KCNJ3: variants seen among roughly 807,000 people sequenced by gnomAD.
The protein encoded by KCNJ3 is G protein-activated inward rectifier potassium channel 1.
KCNJ3 carries 4 observed loss-of-function variants against 39.2 expected under a neutral mutation model. That is an observed-to-expected ratio of 0.10 (90% CI 0.05 to 0.23). The LOEUF is 0.23. Among genes scored for constraint, KCNJ3 ranks in the 10% least tolerant of loss-of-function variants. The pLI, the probability that KCNJ3 is intolerant of heterozygous loss-of-function variation, is 1.00. For synonymous variants in KCNJ3, 230 were observed against 237.4 expected (o/e 0.97, Z 0.29); for missense variants, 276 against 634.9 (o/e 0.43, Z 6.08).
intron 2 of KCNJ3, among the ~76,000 whole-genome samples, chr2:154,792,356 C>G (rs905758563): frequency 6.6e-6 from 1 of 152,094 alleles, no homozygotes; most frequent in Non-Finnish European, 1.5e-5. Context: ...AATATACAAT[C>G]TCTACCTAGC....
At chr2:154,734,359 T>C (rs1328062442) in intron 2 of KCNJ3, among the ~76,000 whole-genome samples, 3 of 152,174 alleles carry the variant, frequency 2.0e-5, no homozygotes, top group Non-Finnish European at 4.4e-5. Flanking sequence ...CCTCCTCACC[T>C]TAAGAAAATC....
chr2:154,770,710 A>T (rs1250741415), intron 2 of KCNJ3, among the ~76,000 whole-genome samples: 1 of 152,142 alleles, frequency 6.6e-6, no homozygotes, highest in Non-Finnish European at 1.5e-5. Flanking sequence ...ATTCACTAGA[A>T]AAGTAGTTTT....
chr2:154,712,811 G>C (rs189988454), intron 2 of KCNJ3, among the ~76,000 whole-genome samples: 2 of 152,168 alleles, frequency 1.3e-5, no homozygotes, highest in Non-Finnish European at 2.9e-5. Flanking sequence ...ACAAAACCAA[G>C]GTGACGGGAT....
At chr2:154,818,355 T>A (rs1287094873) in intron 2 of KCNJ3, among the ~76,000 whole-genome samples, 1 of 152,118 alleles carries the variant, frequency 6.6e-6, no homozygotes, top group African/African-American at 2.4e-5. Context: ...TGTTTTTTTT[T>A]ATTTTGACAC....
At chr2:154,703,777 CTT>C (rs77891543) in intron 1 of KCNJ3, among the ~76,000 whole-genome samples, 18,291 of 151,972 alleles carry the variant, frequency 0.12, 1,166 homozygotes, top group East Asian at 0.16. Flanking sequence ...ATAACTGACT[CTT>C]CACCAATTGA....
At chr2:154,782,483 C>T (rs1574460593) in intron 2 of KCNJ3, among the ~76,000 whole-genome samples, 1 of 151,820 alleles carries the variant, frequency 6.6e-6, no homozygotes, top group Non-Finnish European at 1.5e-5. Context: ...TGATACATAG[C>T]ATAATAATAC....
intron 2 of KCNJ3, among the ~76,000 whole-genome samples, chr2:154,723,992 T>C (rs1412962620): frequency 6.6e-6 from 1 of 152,142 alleles, no homozygotes; most frequent in Non-Finnish European, 1.5e-5. Context: ...CAATTATACA[T>C]TTGTATTTCG....
At chr2:154,833,798 C>T (rs1687403305) in intron 2 of KCNJ3, among the ~76,000 whole-genome samples, 1 of 152,078 alleles carries the variant, frequency 6.6e-6, no homozygotes, top group African/African-American at 2.4e-5. Flanking sequence ...AGGATGTAGC[C>T]TTTTCAGATG....
chr2:154,847,969 A>T (rs1447174066), intron 2 of KCNJ3, among the ~76,000 whole-genome samples: 1 of 152,112 alleles, frequency 6.6e-6, no homozygotes, highest in African/African-American at 2.4e-5. Context: ...TGTCCTATAG[A>T]ATCTCTTCAC....
At chr2:154,848,820 G>A (rs559784651) in intron 2 of KCNJ3, among the ~76,000 whole-genome samples, 1 of 152,248 alleles carries the variant, frequency 6.6e-6, no homozygotes, top group East Asian at 1.9e-4. Context: ...ACTTACTGCA[G>A]GGAGTTGTGC....
chr2:154,817,223 A>G (rs1687098705), intron 2 of KCNJ3, among the ~76,000 whole-genome samples: 2 of 152,170 alleles, frequency 1.3e-5, no homozygotes, highest in Admixed American at 1.3e-4. Context: ...AGCCTTAATC[A>G]TGATAAGCAG....
intron 2 of KCNJ3, among the ~76,000 whole-genome samples, chr2:154,846,655 T>A (rs1033787213): frequency 5.8e-4 from 89 of 152,308 alleles, no homozygotes; most frequent in African/African-American, 2.1e-3. Flanking sequence ...CCTAAATATA[T>A]TTTCAGCAAT....
chr2:154,818,996 C>T lies in KCNJ3; in HGVS notation c.920-35731C>T, dbSNP rs139354251. On this transcript the variant is annotated intron_variant, in intron 2 of 2. Transcript: ENST00000295101. ...CTGCAGGCCATCAGGGATTGCCAGGCAGTCCTTGCAATAGCAAGATAATGA... is the reference window on the plus strand; with the variant it reads ...CTGCAGGCCATCAGGGATTGCCAGGTAGTCCTTGCAATAGCAAGATAATGA... Among the ~76,000 whole-genome samples, 511 of 129,418 alleles carry T rather than the reference C, an allele frequency of 3.9e-3. 4 individuals carry two copies. Among genetic ancestry groups the T allele is most frequent in the African/African-American group, 0.015 (496 of 33,758 alleles). The allele number at this position is 129,418 out of a possible 152,430, so 84.9% of individuals were successfully genotyped here.
intron 2 of KCNJ3, among the ~76,000 whole-genome samples, chr2:154,800,068 A>G (rs1686784801): frequency 6.6e-6 from 1 of 152,164 alleles, no homozygotes; most frequent in East Asian, 1.9e-4. Flanking sequence ...ATCAGTGGAA[A>G]CATCTGGACT....
intron 2 of KCNJ3, among the ~76,000 whole-genome samples, chr2:154,736,055 C>T (rs1453580520): frequency 6.6e-6 from 1 of 152,108 alleles, no homozygotes; most frequent in East Asian, 1.9e-4. Flanking sequence ...CCTAGGCCAG[C>T]GTGTAAAATT....
rs199784196 is a variant in KCNJ3 at position 154,842,502 on chromosome 2, C to T, written c.920-12225C>T. Among the ~76,000 whole-genome samples, 14 of 152,122 alleles carry T rather than the reference C, an allele frequency of 9.2e-5. No homozygotes were observed. In the East Asian group the frequency reaches 2.5e-3, roughly 27 times the overall value. On this transcript the variant is annotated intron_variant, in intron 2 of 2. Transcript: ENST00000295101. ...TCAGGTCCTGGATATCCTTGTTAAC[C>T]TTCTGTCTAGTTGATCTGTCTAATG...
At chr2:154,736,997 G>A (rs1685559839) in intron 2 of KCNJ3, among the ~76,000 whole-genome samples, 1 of 152,148 alleles carries the variant, frequency 6.6e-6, no homozygotes, top group South Asian at 2.1e-4. Context: ...ACATCAGGGA[G>A]GGGAGAGCTG....
At chr2:154,710,227 T>C (rs896447105) in intron 2 of KCNJ3, among the ~76,000 whole-genome samples, 3 of 152,228 alleles carry the variant, frequency 2.0e-5, no homozygotes, top group Admixed American at 6.6e-5. Flanking sequence ...TGGGGTGTCA[T>C]TGATAGAGCT....
Position 154,710,928 on chromosome 2 carries a change from C to T in KCNJ3, c.919+1109C>T, listed in dbSNP as rs915576137. On this transcript the variant is annotated intron_variant, in intron 2 of 2. Coordinates refer to ENST00000295101, the MANE Select transcript of KCNJ3 (RefSeq NM_002239.4). ...TCACATAACACCTATCTGAAATTTA[C>T]GCAAGATATCTACTCTCTTAAAGCT... 9.9e-5 allele frequency among the ~76,000 whole-genome samples: 15 copies of T among 152,148 alleles called. No homozygotes were observed. The South Asian group carries it at 1.0e-3, about 11-fold the overall frequency.
Sources: gnomAD v4.1 joint callset for allele counts (sites outside exome capture counted in the v4.1 genomes callset) on GRCh38, gnomAD v4.1.1 for gene constraint, MANE v1.5 for transcripts, NCBI Gene and HGNC (gene_info 2026-07-23, HGNC 2026-07-21) for gene names.